Variants in CAMK1D observed in about 807,000 individuals in gnomAD.
CAMK1D encodes calcium/calmodulin-dependent protein kinase type 1D.
In CAMK1D, 9 loss-of-function variants were observed where a neutral mutation model predicts 47.7. The observed-to-expected ratio is 0.19, with a 90% confidence interval of 0.11 to 0.33. The LOEUF is 0.33. CAMK1D is among the 10% of genes least tolerant of loss of function. CAMK1D has a pLI of 1.00. For synonymous variants in CAMK1D, 184 were observed against 184.9 expected (o/e 0.99, Z 0.04); for missense variants, 291 against 488.7 (o/e 0.60, Z 3.81).
At chr10:12,701,537 C>A (rs193252447) in intron 3 of CAMK1D, among the ~76,000 whole-genome samples, 2 of 152,150 alleles carry the variant, frequency 1.3e-5, no homozygotes, top group African/African-American at 4.8e-5. Flanking sequence ...TGCATTGCCC[C>A]CTCTCTTTCA....
intron 1 of CAMK1D, among the ~76,000 whole-genome samples, chr10:12,355,364 A>G (rs1837477788): frequency 6.6e-6 from 1 of 152,122 alleles, no homozygotes; most frequent in African/African-American, 2.4e-5. Flanking sequence ...TGCCCAATAA[A>G]TACACCTATT....
In CAMK1D at chr10:12,462,156, G is replaced by GTT. The variant is rs57336292; in HGVS notation, c.93-91043_93-91042dup. Among the ~76,000 whole-genome samples, 81 of 79,632 alleles carry GTT rather than the reference G, an allele frequency of 1.0e-3. 6 individuals are homozygous for GTT. Among genetic ancestry groups the GTT allele is most frequent in the African/African-American group, 3.9e-3 (78 of 19,860 alleles). 52.2% of individuals were successfully genotyped at this position (79,632 alleles called of 152,430 possible). On this transcript the variant is annotated intron_variant, in intron 1 of 10. Coordinates refer to ENST00000619168, the MANE Select transcript of CAMK1D (RefSeq NM_153498.4). Reference sequence around the variant, plus strand: ...AATTTGAATTTCTGGCCTATGAAGAGTTTTTTTTTTTTTTTTTTTTTTTTT... The same window carrying GTT: ...AATTTGAATTTCTGGCCTATGAAGAGTTTTTTTTTTTTTTTTTTTTTTTTTTT...
intron 2 of CAMK1D, among the ~76,000 whole-genome samples, chr10:12,661,904 C>T (rs770534845): frequency 4.6e-5 from 7 of 152,186 alleles, no homozygotes; most frequent in African/African-American, 1.4e-4. Flanking sequence ...CAAATCTTCC[C>T]GAACATCCCA....
rs185229056 is a variant in CAMK1D, at chr10:12,615,810, G to A, written c.225-50926G>A. On this transcript the variant is annotated intron_variant, in intron 2 of 10. Coordinates refer to ENST00000619168, the MANE Select transcript of CAMK1D (RefSeq NM_153498.4). ...TAGTGTGTAGGTATGTGTTGTGTGCGTGTGTATAGGTATATGTGTGCGTTC... is the reference window on the plus strand; with the variant it reads ...TAGTGTGTAGGTATGTGTTGTGTGCATGTGTATAGGTATATGTGTGCGTTC... Among the ~76,000 whole-genome samples, 13 of 151,764 alleles carry A rather than the reference G, an allele frequency of 8.6e-5. No individual in the cohort carries two copies. In the East Asian group the frequency reaches 2.5e-3, roughly 29 times the overall value.
At chr10:12,782,285 A>AT (rs1236083106) in intron 5 of CAMK1D, among the ~76,000 whole-genome samples, 1 of 151,894 alleles carries the variant, frequency 6.6e-6, no homozygotes, top group African/African-American at 2.4e-5. Context: ...CATTGTCTTA[A>AT]TTTTTTCTTT....
At chr10:12,767,837 G>A (rs945245678) in intron 4 of CAMK1D, among the ~76,000 whole-genome samples, 1 of 152,156 alleles carries the variant, frequency 6.6e-6, no homozygotes, top group Non-Finnish European at 1.5e-5. Flanking sequence ...GTATGTATTT[G>A]TCTCCCGTGA....
chr10:12,773,073 C>T (rs752939295), intron 5 of CAMK1D, among the ~76,000 whole-genome samples: 7 of 152,282 alleles, frequency 4.6e-5, no homozygotes, highest in African/African-American at 7.2e-5. Flanking sequence ...CTTTCTATGA[C>T]GCTTTCCTTG....
chr10:12,592,262 C>T (rs916317403), intron 2 of CAMK1D, among the ~76,000 whole-genome samples: 27 of 152,346 alleles, frequency 1.8e-4, no homozygotes, highest in African/African-American at 5.8e-4. Flanking sequence ...CTCTATCTTT[C>T]TCCTTTCCGG....
chr10:12,672,106 G>A (rs904865799), intron 3 of CAMK1D, among the ~76,000 whole-genome samples: 2 of 150,980 alleles, frequency 1.3e-5, no homozygotes, highest in Non-Finnish European at 3.0e-5. Flanking sequence ...TAGTAGAGAT[G>A]GGGTTTCACC....
At chr10:12,652,094 G>A (rs899470604) in intron 2 of CAMK1D, among the ~76,000 whole-genome samples, 2 of 151,964 alleles carry the variant, frequency 1.3e-5, no homozygotes, top group Non-Finnish European at 2.9e-5. Flanking sequence ...AACTTTTTGA[G>A]GGAAGATCTT....
chr10:12,445,124 T>C (rs1268595816), intron 1 of CAMK1D, among the ~76,000 whole-genome samples: 1 of 152,226 alleles, frequency 6.6e-6, no homozygotes, highest in Non-Finnish European at 1.5e-5. Context: ...ATCTGTTTTC[T>C]CAGTCTTAAG....
chr10:12,591,756 C>T (rs573030258), intron 2 of CAMK1D, among the ~76,000 whole-genome samples: 127 of 152,320 alleles, frequency 8.3e-4, no homozygotes, highest in Non-Finnish European at 1.6e-3. Context: ...TGCAATGGCG[C>T]GATCTCGGCT....
chr10:12,541,885 T>TCCTTCCTTCCTTCCTTCCTTCCTTCCTTC lies in CAMK1D; in HGVS notation c.93-11336_93-11335insCCTTCCTTCCTTCCTTCCTTCCTTCCCTT, dbSNP rs141080777. Among the ~76,000 whole-genome samples, 143 of 142,806 alleles carry TCCTTCCTTCCTTCCTTCCTTCCTTCCTTC rather than the reference T, an allele frequency of 1.0e-3. 2 individuals are homozygous for TCCTTCCTTCCTTCCTTCCTTCCTTCCTTC. Among genetic ancestry groups the TCCTTCCTTCCTTCCTTCCTTCCTTCCTTC allele is most frequent in the East Asian group, 8.9e-3 (43 of 4,820 alleles). The allele number at this position is 142,806 out of a possible 152,430, so 93.7% of individuals were successfully genotyped here. ...TTCCTTCCTTCCTTCCTTCCTTCCTTCCTTTTTTTTTTTCAGGTCTCTCTT... is the reference window on the plus strand; with the variant it reads ...TTCCTTCCTTCCTTCCTTCCTTCCTTCCTTCCTTCCTTCCTTCCTTCCTTCCTTCCCTTTTTTTTTTTCAGGTCTCTCTT... On this transcript the variant is annotated intron_variant, in intron 1 of 10. Transcript: ENST00000619168.
At chr10:12,685,410 T>G (rs932172808) in intron 3 of CAMK1D, among the ~76,000 whole-genome samples, 2 of 152,218 alleles carry the variant, frequency 1.3e-5, no homozygotes, top group African/African-American at 4.8e-5. Flanking sequence ...ACCAGATATA[T>G]CTGAGTTTCT....
intron 2 of CAMK1D, among the ~76,000 whole-genome samples, chr10:12,602,521 T>C (rs1838332928): frequency 6.6e-6 from 1 of 152,158 alleles, no homozygotes; most frequent in Admixed American, 6.5e-5. Flanking sequence ...CAGGTGCCAT[T>C]TGGGACAGAG....
In CAMK1D at chr10:12,349,801, G is replaced by C; in HGVS notation, c.-18G>C. The C allele has an allele frequency of 7.3e-7, 1 of 1,377,462 alleles. No homozygotes were observed. The highest frequency in any genetic ancestry group is 1.4e-5 in the South Asian group (1 of 73,754). 85.3% of individuals were successfully genotyped at this position (1,377,462 alleles called of 1,614,324 possible). ...CCAGCGCGCCCCCGGCCGCTCCTCC[G>C]CGCCGCGCTCGTCGGCCATGGCCCG... On this transcript the variant is annotated 5_prime_UTR_variant, in exon 1 of 11. Transcript: ENST00000619168.
chr10:12,776,610 T>C (rs910009287), intron 5 of CAMK1D, among the ~76,000 whole-genome samples: 1 of 152,214 alleles, frequency 6.6e-6, no homozygotes, highest in Non-Finnish European at 1.5e-5. Flanking sequence ...TGTTTCTGTT[T>C]AAAGACACCT....
intron 1 of CAMK1D, among the ~76,000 whole-genome samples, chr10:12,493,674 A>C (rs1834455006): frequency 6.6e-6 from 1 of 152,112 alleles, no homozygotes; most frequent in South Asian, 2.1e-4. Flanking sequence ...TTGTATTTTT[A>C]GTAGGGATGG....
chr10:12,766,191 C>G (rs1431129465), intron 4 of CAMK1D, among the ~76,000 whole-genome samples: 2 of 151,910 alleles, frequency 1.3e-5, no homozygotes, highest in Non-Finnish European at 2.9e-5. Flanking sequence ...TCTCAAACTC[C>G]TGACCTCAGG....
Sources: gnomAD v4.1 joint callset for allele counts (sites outside exome capture counted in the v4.1 genomes callset) on GRCh38, gnomAD v4.1.1 for gene constraint, MANE v1.5 for transcripts, NCBI Gene and HGNC (gene_info 2026-07-23, HGNC 2026-07-21) for gene names.